CEP128: variants seen among roughly 807,000 people sequenced by gnomAD.
The protein encoded by CEP128 is centrosomal protein 128kDa.
A neutral mutation model predicts 156.7 loss-of-function variants in CEP128; 132 were observed. That is an observed-to-expected ratio of 0.84 (90% CI 0.73 to 0.97). The LOEUF (loss-of-function observed/expected upper bound fraction) is 0.97. Ranked by LOEUF, CEP128 falls within the 50% of genes least tolerant of loss-of-function variation. The pLI is 0.00. For synonymous variants in CEP128, 469 were observed against 448.9 expected (o/e 1.04, Z -0.57); for missense variants, 1,252 against 1,281.9 (o/e 0.98, Z 0.36).
intron 8 of CEP128, among the ~76,000 whole-genome samples, chr14:80,871,241 T>A (rs760704847): frequency 1.7e-4 from 26 of 151,950 alleles, no homozygotes; most frequent in Non-Finnish European, 3.1e-4. Flanking sequence ...AATGACAATT[T>A]AAAAAAATAA....
intron 21 of CEP128, among the ~76,000 whole-genome samples, chr14:80,545,803 A>C (rs894488968): frequency 1.3e-5 from 2 of 152,214 alleles, no homozygotes; most frequent in Admixed American, 1.3e-4. Context: ...TTTAGGGGAC[A>C]CACTAAAGGC....
intron 19 of CEP128, among the ~76,000 whole-genome samples, chr14:80,596,150 CA>C (rs1326801546): frequency 1.3e-5 from 2 of 149,806 alleles, no homozygotes; most frequent in Non-Finnish European, 3.0e-5. Context: ...AATTATATTA[CA>C]TAAAAATGGT....
chr14:80,771,775 G>C (rs1329647981), intron 16 of CEP128, among the ~76,000 whole-genome samples: 1 of 152,178 alleles, frequency 6.6e-6, no homozygotes, highest in Admixed American at 6.5e-5. Context: ...ATTGAAACAA[G>C]TAAGTATTAA....
At chr14:80,541,348 T>C (rs1355737194) in intron 21 of CEP128, among the ~76,000 whole-genome samples, 1 of 149,942 alleles carries the variant, frequency 6.7e-6, no homozygotes, top group Non-Finnish European at 1.5e-5. Context: ...AAAAAGTAGA[T>C]ATGGGGTTCT....
chr14:80,520,800 C>T (rs2140246182), intron 23 of CEP128, among the ~76,000 whole-genome samples: 1 of 151,790 alleles, frequency 6.6e-6, no homozygotes, highest in South Asian at 2.1e-4. Flanking sequence ...GGAATCAGCG[C>T]TTAGTTTCTT....
intron 19 of CEP128, among the ~76,000 whole-genome samples, chr14:80,635,887 T>C (rs1238750651): frequency 2.0e-5 from 3 of 152,202 alleles, no homozygotes; most frequent in Non-Finnish European, 4.4e-5. Flanking sequence ...TTATTCAGTG[T>C]CCTCAAGGGA....
rs145540490 is a variant in CEP128 at position 80,761,703 on chromosome 14, G to C, written c.2377-90C>G. On this transcript the variant is annotated intron_variant, in intron 16 of 24. Coordinates refer to ENST00000555265, the MANE Select transcript of CEP128 (RefSeq NM_152446.5). ...ATATCTGTTCAACCAACTAGAAGTG[G>C]ATTTGAAAAGAAATCTGATTCCATC... is the stretch of plus-strand genomic sequence containing the variant. 47 of 865,904 alleles carry C rather than the reference G, an allele frequency of 5.4e-5. No individual in the cohort carries two copies. The African/African-American group carries it at 6.5e-4, about 12-fold the overall frequency. 53.6% of individuals were successfully genotyped at this position (865,904 alleles called of 1,614,324 possible). A position where few individuals can be genotyped will look rare whatever the true frequency, so the allele number is the denominator to read the frequency against.
chr14:80,905,922 T>G (rs377015000), intron 5 of CEP128, 33 bp downstream of exon 5: 164 of 1,602,446 alleles, frequency 1.0e-4, no homozygotes, highest in Middle Eastern at 6.6e-4. Flanking sequence ...CAAAAATATT[T>G]TTAATGTTTT....
chr14:80,910,579 G>A (rs1315547425), intron 4 of CEP128, among the ~76,000 whole-genome samples: 1 of 152,130 alleles, frequency 6.6e-6, no homozygotes, highest in Non-Finnish European at 1.5e-5. Context: ...TAGAAGCTGA[G>A]CAGATACCAA....
intron 19 of CEP128, among the ~76,000 whole-genome samples, chr14:80,622,051 G>A (rs190227145): frequency 6.6e-6 from 1 of 152,182 alleles, no homozygotes; most frequent in Admixed American, 6.5e-5. Flanking sequence ...CAGAGAAATG[G>A]AATTGCCTCC....
At chr14:80,674,893 A>T (rs535001310) in intron 19 of CEP128, among the ~76,000 whole-genome samples, 1 of 152,248 alleles carries the variant, frequency 6.6e-6, no homozygotes, top group African/African-American at 2.4e-5. Context: ...TGCAGCATAC[A>T]GCTACATTCC....
At chr14:80,724,864 T>C (rs1254513494) in intron 19 of CEP128, among the ~76,000 whole-genome samples, 2 of 151,214 alleles carry the variant, frequency 1.3e-5, no homozygotes, top group Non-Finnish European at 2.9e-5. Context: ...TCTAGCCTCC[T>C]TGCCTTGTTG....
intron 8 of CEP128, among the ~76,000 whole-genome samples, chr14:80,892,076 TTTGTATGGAAACATA>T (rs1889127697): frequency 6.6e-6 from 1 of 151,568 alleles, no homozygotes. Flanking sequence ...AATCCTAAAA[TTTGTATGGAAACATA>T]AAGACCCTAA....
intron 14 of CEP128, among the ~76,000 whole-genome samples, chr14:80,480,921 C>A (rs1040860547): frequency 9.2e-5 from 14 of 152,148 alleles, no homozygotes; most frequent in African/African-American, 3.4e-4. Flanking sequence ...TCAGCCTGGA[C>A]CTTTATTGTT....
At chr14:80,729,058 G>GGGGGTGTGTGT (rs1898141728) in intron 19 of CEP128, among the ~76,000 whole-genome samples, 5 of 105,024 alleles carry the variant, frequency 4.8e-5, no homozygotes, top group African/African-American at 2.5e-4. Context: ...GGCTGGTGGG[G>GGGGGTGTGTGT]GTGTGTGTGT....
At chr14:80,577,682 T>G (rs992096395) in intron 20 of CEP128, among the ~76,000 whole-genome samples, 11 of 152,198 alleles carry the variant, frequency 7.2e-5, no homozygotes, top group African/African-American at 2.7e-4. Context: ...TAATTATTTT[T>G]CACGTTACAG....
At chr14:80,811,818 T>TTAGATAGATAGACAGATAGA (rs1884565213) in intron 13 of CEP128, among the ~76,000 whole-genome samples, 1 of 149,516 alleles carries the variant, frequency 6.7e-6, no homozygotes, top group East Asian at 2.0e-4. Context: ...CACGCATGTA[T>TTAGATAGATAGACAGATAGA]TAGATAGATA....
chr14:80,576,624 CGTGT>C (rs753148123), intron 20 of CEP128, among the ~76,000 whole-genome samples: 22 of 112,724 alleles, frequency 2.0e-4, no homozygotes, highest in Admixed American at 3.4e-4. Flanking sequence ...ATTACTCCGG[CGTGT>C]GTGTGTGTGT....
intron 19 of CEP128, among the ~76,000 whole-genome samples, chr14:80,626,971 C>T (rs1893756480): frequency 6.6e-6 from 1 of 152,194 alleles, no homozygotes. Context: ...ATTTTAACCA[C>T]AGTTGAAACC....
Sources: gnomAD v4.1 joint callset for allele counts (sites outside exome capture counted in the v4.1 genomes callset) on GRCh38, gnomAD v4.1.1 for gene constraint, MANE v1.5 for transcripts, NCBI Gene and HGNC (gene_info 2026-07-23, HGNC 2026-07-21) for gene names.